The following SMAP1 variants were observed in gnomAD, a reference collection of about 807,000 sequenced individuals.
The protein encoded by SMAP1 is stromal membrane-associated protein 1.
In SMAP1, 24 loss-of-function variants were observed where a neutral mutation model predicts 58.5. The observed-to-expected ratio is 0.41, with a 90% CI of 0.30 to 0.58. The LOEUF (loss-of-function observed/expected upper bound fraction) is 0.58. Among genes scored for constraint, SMAP1 ranks in the 20% least tolerant of loss-of-function variants. SMAP1 has a pLI of 0.29. For missense variants in SMAP1, 563 were observed against 566.3 expected (o/e 0.99, Z 0.06); for synonymous variants, 216 against 196.6 (o/e 1.10, Z -0.82).
chr6:70,836,133 G>A (rs187827007), intron 6 of SMAP1, among the ~76,000 whole-genome samples: 1 of 152,122 alleles, frequency 6.6e-6, no homozygotes, highest in African/African-American at 2.4e-5. Flanking sequence ...CTAACAGGAT[G>A]TATTAGTCCG....
rs191526214 is a variant in SMAP1, at chr6:70,776,573, T to C, written c.414+3148T>C. Among the ~76,000 whole-genome samples the C allele has an allele frequency of 2.1e-3, 313 of 152,318 alleles. 1 individual carries two copies. The highest frequency in any genetic ancestry group is 7.3e-3 in the African/African-American group (302 of 41,566). On this transcript the variant is annotated intron_variant, in intron 4 of 10. Coordinates refer to ENST00000370455, the MANE Select transcript of SMAP1 (RefSeq NM_001044305.3). The stretch of plus-strand genomic sequence containing the variant: ...ATTGTTAGCCGTACTTACCCTATAA[T>C]ACTACAGAACACTAAATCGTACTCC...
At chr6:70,694,555 CA>C (rs1311812628) in intron 1 of SMAP1, 2 of 152,690 alleles carry the variant, frequency 1.3e-5, no homozygotes, top group East Asian at 3.8e-4. Context: ...TATGAAGCGA[CA>C]CAATGAAGTG....
intron 2 of SMAP1, among the ~76,000 whole-genome samples, chr6:70,749,647 T>A (rs1766194541): frequency 6.6e-6 from 1 of 151,324 alleles, no homozygotes; most frequent in Admixed American, 6.6e-5. Flanking sequence ...TCAGTACACA[T>A]ATACAAATTT....
intron 7 of SMAP1, chr6:70,837,853 G>T: frequency 7.9e-7 from 1 of 1,263,034 alleles, no homozygotes; most frequent in South Asian, 1.4e-5. Context: ...TTCATGTACT[G>T]CTTTCCAAAA....
At chr6:70,862,005 A>G, downstream of SMAP1, 1 of 1,550,108 alleles carries the variant, frequency 6.5e-7, no homozygotes, top group Non-Finnish European at 8.7e-7. Flanking sequence ...AAAAAAAAAG[A>G]GACTTTAAAA....
chr6:70,680,580 G>A (rs139706357), intron 1 of SMAP1, among the ~76,000 whole-genome samples: 1,700 of 152,164 alleles, frequency 0.011, 35 homozygotes, highest in African/African-American at 0.037. Flanking sequence ...AAAATAGTGC[G>A]TCCGTACAGT....
At chr6:70,678,272 G>T (rs1355597187) in intron 1 of SMAP1, among the ~76,000 whole-genome samples, 2 of 152,096 alleles carry the variant, frequency 1.3e-5, no homozygotes, top group Non-Finnish European at 2.9e-5. Context: ...GTCTCTTATT[G>T]ATCTTTTATA....
chr6:70,810,110 G>A (rs990387283), intron 6 of SMAP1, among the ~76,000 whole-genome samples: 1 of 152,118 alleles, frequency 6.6e-6, no homozygotes, highest in South Asian at 2.1e-4. Flanking sequence ...TAAATGTATA[G>A]GGTTTCTTAT....
At chr6:70,815,180 A>C (rs1582243994) in intron 6 of SMAP1, among the ~76,000 whole-genome samples, 1 of 152,300 alleles carries the variant, frequency 6.6e-6, no homozygotes, top group East Asian at 1.9e-4. Flanking sequence ...TGGGTACAGT[A>C]ATTTACTGTC....
intron 2 of SMAP1, among the ~76,000 whole-genome samples, chr6:70,752,472 G>A (rs778798229): frequency 1.3e-5 from 2 of 152,174 alleles, no homozygotes; most frequent in Non-Finnish European, 2.9e-5. Flanking sequence ...TCTCATGGTT[G>A]TTTTGAAATT....
intron 7 of SMAP1, among the ~76,000 whole-genome samples, chr6:70,842,873 G>C (rs964728006): frequency 2.6e-5 from 4 of 152,260 alleles, no homozygotes; most frequent in East Asian, 1.9e-4. Flanking sequence ...CACGCCTAAA[G>C]GATGGCTTTT....
chr6:70,860,213 T>C lies in SMAP1; in HGVS notation c.1283T>C (p.Met428Thr). Reference protein sequence around the residue: ...QWSLSQMNQQMAGMSISSATP... With the variant: ...QWSLSQMNQQTAGMSISSATP... ...TATGTTTCACAGATGAATCAGCAGATGGCTGGCATGAGTATCAGTAGTGCA... is the reference window on the plus strand; with the variant it reads ...TATGTTTCACAGATGAATCAGCAGACGGCTGGCATGAGTATCAGTAGTGCA... The change falls in exon 11 of 11, where the codon ATG (methionine) becomes ACG (threonine). Residue 428 changes from methionine (M) to threonine (T), a missense_variant. Met to Thr is a moderately conservative substitution (Grantham distance 81). Transcript: ENST00000370455. 2 of 1,609,970 alleles carry C rather than the reference T, an allele frequency of 1.2e-6. No individual in the cohort carries two copies. The highest frequency in any genetic ancestry group is 1.7e-6 in the Non-Finnish European group (2 of 1,178,692).
At chr6:70,690,511 G>T (rs1767116539) in intron 1 of SMAP1, among the ~76,000 whole-genome samples, 1 of 151,722 alleles carries the variant, frequency 6.6e-6, no homozygotes, top group Admixed American at 6.6e-5. Flanking sequence ...TCTCCATGTT[G>T]GTCAGGCTGG....
intron 3 of SMAP1, among the ~76,000 whole-genome samples, chr6:70,766,168 C>T (rs1766975139): frequency 6.6e-6 from 1 of 152,022 alleles, no homozygotes; most frequent in Non-Finnish European, 1.5e-5. Context: ...GGGTTGGTTC[C>T]AAGTCTTTGC....
In SMAP1 at chr6:70,739,600, A is replaced by G. The variant is rs535191667; in HGVS notation, c.252+7089A>G. On this transcript the variant is annotated intron_variant, in intron 2 of 10. Transcript: ENST00000370455. ...GTATGCTTCTTCAGTATGTAGTTTT[A>G]TATCTTTTTTTGTTTCAGTGAAGTT... 7.2e-4 allele frequency among the ~76,000 whole-genome samples: 109 copies of G among 152,154 alleles called. 1 individual carries two copies. In the South Asian group the frequency reaches 7.9e-3, roughly 11 times the overall value.
chr6:70,826,623 G>A (rs948309468), intron 6 of SMAP1, among the ~76,000 whole-genome samples: 2 of 152,044 alleles, frequency 1.3e-5, no homozygotes, highest in African/African-American at 4.8e-5. Context: ...GGGCGTGGTG[G>A]CTTGTACCTG....
intron 2 of SMAP1, 50 bp from the exon 3 acceptor site, chr6:70,754,930 A>T: frequency 8.6e-7 from 1 of 1,166,156 alleles, no homozygotes. Context: ...ATGTGCAGGA[A>T]TCACTTTTTA....
chr6:70,718,307 A>G (rs1485620419), intron 1 of SMAP1, among the ~76,000 whole-genome samples: 2 of 152,222 alleles, frequency 1.3e-5, no homozygotes, highest in Non-Finnish European at 2.9e-5. Flanking sequence ...AAAAGAGAAG[A>G]TAAAATAATC....
chr6:70,679,857 C>T (rs1238975018), intron 1 of SMAP1, among the ~76,000 whole-genome samples: 3 of 152,058 alleles, frequency 2.0e-5, no homozygotes. Context: ...TCCCAGAAGG[C>T]TTTTTTTGTT....
Sources: allele counts gnomAD v4.1 joint callset (sites outside exome capture counted in the v4.1 genomes callset), GRCh38; gene constraint gnomAD v4.1.1; transcripts MANE v1.5; gene names NCBI Gene and HGNC (gene_info 2026-07-23, HGNC 2026-07-21).